Variants in DNAI7 observed in about 807,000 individuals in gnomAD.
The protein encoded by DNAI7 is cancer susceptibility 1.
A neutral mutation model predicts 86.6 loss-of-function variants in DNAI7; 78 were observed. That is an observed-to-expected ratio of 0.90 (90% CI 0.75 to 1.09). DNAI7 has a LOEUF of 1.09. Among genes scored for constraint, DNAI7 ranks in the 50% least tolerant of loss-of-function variants. The pLI is 0.00. For missense variants in DNAI7, 753 were observed against 810.2 expected, an observed-to-expected ratio of 0.93 and a Z score of 0.86; for synonymous variants, 274 against 273.0, an observed-to-expected ratio of 1.00 and a Z score of -0.04.
At chr12:25,173,279 G>A (rs1565805437) in intron 2 of DNAI7, among the ~76,000 whole-genome samples, 2 of 152,070 alleles carry the variant, frequency 1.3e-5, no homozygotes, top group African/African-American at 4.8e-5. Context: ...CCATCAAAAA[G>A]TGGGCTAAGG....
chr12:25,155,929 A>T (rs1228991612), intron 4 of DNAI7, among the ~76,000 whole-genome samples: 1 of 152,108 alleles, frequency 6.6e-6, no homozygotes, highest in Non-Finnish European at 1.5e-5. Context: ...ACATGGTGAA[A>T]CACCATCTCG....
At chr12:25,145,579 C>T (rs1463589489) in intron 8 of DNAI7, among the ~76,000 whole-genome samples, 2 of 152,002 alleles carry the variant, frequency 1.3e-5, no homozygotes, top group African/African-American at 4.8e-5. Context: ...TAGATGTAAA[C>T]CAAAAAGTTG....
At chr12:25,157,939 A>C (rs1186439259) in intron 4 of DNAI7, among the ~76,000 whole-genome samples, 1 of 152,110 alleles carries the variant, frequency 6.6e-6, no homozygotes, top group Non-Finnish European at 1.5e-5. Context: ...CTTAGATCTA[A>C]GTCTTGGCAG....
At chr12:25,149,502 T>C (rs538472477) in intron 7 of DNAI7, 126 bp downstream of exon 7, 6 of 651,174 alleles carry the variant, frequency 9.2e-6, no homozygotes, top group South Asian at 8.1e-5. Context: ...ATATATGTAC[T>C]CTAAATTATT....
At chr12:25,114,270 A>G (rs1939625720) in intron 13 of DNAI7, among the ~76,000 whole-genome samples, 1 of 152,184 alleles carries the variant, frequency 6.6e-6, no homozygotes, top group Non-Finnish European at 1.5e-5. Context: ...GATGAGCAAT[A>G]GGGGATCATT....
intron 2 of DNAI7, among the ~76,000 whole-genome samples, chr12:25,170,411 T>C (rs1209073921): frequency 1.3e-5 from 2 of 148,402 alleles, no homozygotes; most frequent in Non-Finnish European, 3.0e-5. Flanking sequence ...AAAAGCCTCG[T>C]CCAACAGGAA....
At chr12:25,179,997 A>C (rs1433379172) in intron 2 of DNAI7, among the ~76,000 whole-genome samples, 1 of 152,194 alleles carries the variant, frequency 6.6e-6, no homozygotes, top group Non-Finnish European at 1.5e-5. Flanking sequence ...GAGAAAGTCA[A>C]ATTATCTTTG....
chr12:25,190,773 C>T (rs10842502), intron 1 of DNAI7, 142 bp from the exon 2 acceptor site: 207,628 of 401,866 alleles, frequency 0.52, 54,737 homozygotes, highest in East Asian at 0.75. Flanking sequence ...TGTAACTTTC[C>T]TTGCAAATCT....
At chr12:25,162,102 G>A (rs959146307) in intron 2 of DNAI7, among the ~76,000 whole-genome samples, 1 of 151,834 alleles carries the variant, frequency 6.6e-6, no homozygotes, top group South Asian at 2.1e-4. Flanking sequence ...ACATTCAAGG[G>A]AAGATATCCC....
At chr12:25,154,278 T>C (rs1945894773) in intron 6 of DNAI7, 41 bp downstream of exon 6, 1 of 1,523,366 alleles carries the variant, frequency 6.6e-7, no homozygotes, top group African/African-American at 1.4e-5. Flanking sequence ...TATCAGACTA[T>C]TTGTAATAGC....
At chr12:25,190,050 T>C (rs1950381749) in intron 2 of DNAI7, among the ~76,000 whole-genome samples, 1 of 150,890 alleles carries the variant, frequency 6.6e-6, no homozygotes, top group African/African-American at 2.4e-5. Context: ...AGGGTAAATT[T>C]GGACTGCCAG....
chr12:25,110,981 T>C (rs1407811661), intron 14 of DNAI7, among the ~76,000 whole-genome samples: 2 of 152,182 alleles, frequency 1.3e-5, no homozygotes, highest in Admixed American at 6.5e-5. Flanking sequence ...TTCAACAATG[T>C]AGAGTAACAG....
chr12:25,111,739 C>T (rs374677766), intron 14 of DNAI7, 33 bp downstream of exon 14: 110 of 1,418,776 alleles, frequency 7.8e-5, no homozygotes, highest in Middle Eastern at 4.3e-4. Context: ...TTTAAATGCA[C>T]GCCACATTAA....
At chr12:25,191,486 C>T (rs146933420) in intron 1 of DNAI7, among the ~76,000 whole-genome samples, 2 of 152,186 alleles carry the variant, frequency 1.3e-5, no homozygotes, top group Admixed American at 6.5e-5. Context: ...AGGTGGATCA[C>T]GGGGTCAGGA....
intron 1 of DNAI7, among the ~76,000 whole-genome samples, chr12:25,191,558 G>T (rs894347736): frequency 4.0e-5 from 6 of 151,608 alleles, no homozygotes; most frequent in Admixed American, 3.3e-4. Context: ...CAGAAAATTG[G>T]CCGGGCATGG....
intron 2 of DNAI7, among the ~76,000 whole-genome samples, chr12:25,164,875 A>G (rs1374224627): frequency 7.1e-6 from 1 of 140,120 alleles, no homozygotes; most frequent in Non-Finnish European, 1.5e-5. Flanking sequence ...TAATCATTTT[A>G]TCACCTCCCC....
At chr12:25,147,549 G>A (rs1164408171) in intron 7 of DNAI7, among the ~76,000 whole-genome samples, 2 of 152,200 alleles carry the variant, frequency 1.3e-5, no homozygotes, top group African/African-American at 4.8e-5. Context: ...CTGGCAGCTG[G>A]GAGGATCCTA....
intron 2 of DNAI7, among the ~76,000 whole-genome samples, chr12:25,163,940 G>A (rs577318936): frequency 3.3e-5 from 5 of 152,228 alleles, no homozygotes; most frequent in Non-Finnish European, 5.9e-5. Flanking sequence ...CCAAAACTCC[G>A]GTGCTGGTCA....
Position 25,108,610 on chromosome 12 carries a change from A to AGTT in DNAI7, c.2104_2106dup (p.Asn702dup). On this transcript the variant is annotated inframe_insertion, in exon 16 of 16. Coordinates refer to ENST00000395987, the MANE Select transcript of DNAI7 (RefSeq NM_018272.5). ...TGGCACACAGAGTTGACAAACTGAC[A>AGTT]GTTGGAACTCCTGACTTTCTCCATT... The AGTT allele has an allele frequency of 6.2e-7, 1 of 1,613,914 alleles. No homozygotes were observed.
Sources: gnomAD v4.1 joint callset for allele counts (sites outside exome capture counted in the v4.1 genomes callset) on GRCh38, gnomAD v4.1.1 for gene constraint, MANE v1.5 for transcripts, NCBI Gene and HGNC (gene_info 2026-07-23, HGNC 2026-07-21) for gene names.